MYL4: variants seen among roughly 807,000 people sequenced by gnomAD.
MYL4 encodes atrial myosin light chain 1.
A neutral mutation model predicts 21.6 loss-of-function variants in MYL4; 16 were observed. The ratio of observed to expected loss-of-function variants is 0.74; its 90% confidence interval spans 0.50 to 1.12. The LOEUF (loss-of-function observed/expected upper bound fraction) is 1.12, where lower values mean the gene tolerates loss of function less well. Among genes scored for constraint, MYL4 ranks in the 50% most tolerant of loss-of-function variants. MYL4 has a pLI of 0.00. For missense variants in MYL4, 249 were observed against 252.9 expected, an observed-to-expected ratio of 0.98 and a Z score of 0.11; for synonymous variants, 82 against 95.7, an observed-to-expected ratio of 0.86 and a Z score of 0.83.
upstream of MYL4, among the ~76,000 whole-genome samples, chr17:47,197,657 T>TCAGTA (rs1475686129): frequency 7.1e-6 from 1 of 140,506 alleles, no homozygotes; most frequent in Admixed American, 7.7e-5. Flanking sequence ...TGTCTCACTT[T>TCAGTA]CAGTACAGTA....
rs532384556 is a variant in MYL4, at chr17:47,218,051, A to C, written c.164-1853A>C. ...AGTGAAACTCCATCTCAAAAAAAAA[A>C]AAAAAACAAAAAACTAACTAAAAAG... On this transcript the variant is annotated intron_variant, in intron 2 of 6. Coordinates refer to ENST00000393450, the MANE Select transcript of MYL4 (RefSeq NM_002476.2). 3.1e-3 allele frequency among the ~76,000 whole-genome samples: 473 copies of C among 152,030 alleles called. 3 individuals carry two copies. Among genetic ancestry groups the C allele is most frequent in the South Asian group, 6.4e-3 (31 of 4,824 alleles).
intron 2 of MYL4, among the ~76,000 whole-genome samples, chr17:47,219,365 G>A (rs2064837232): frequency 6.6e-6 from 1 of 152,226 alleles, no homozygotes; most frequent in Non-Finnish European, 1.5e-5. Context: ...CCTGCACTCT[G>A]AGGCAGAGCC....
chr17:47,189,475 G>T, the MYL4 span: 5 of 482,934 alleles, frequency 1.0e-5, no homozygotes, highest in Non-Finnish European at 1.9e-5. Context: ...CCAAAGCGTA[G>T]GTTTCTCTTC....
At chr17:47,198,785 C>T (rs2064698728), upstream of MYL4, among the ~76,000 whole-genome samples, 1 of 151,988 alleles carries the variant, frequency 6.6e-6, no homozygotes, top group Non-Finnish European at 1.5e-5. Context: ...AGTTCGAGAA[C>T]ACCCTGGGCA....
At chr17:47,218,117 G>A (rs1183641204) in intron 2 of MYL4, among the ~76,000 whole-genome samples, 1 of 151,452 alleles carries the variant, frequency 6.6e-6, no homozygotes. Context: ...GAGGTTTTTA[G>A]AGGTTAAATA....
chr17:47,208,386 A>T (rs1226147341), upstream of MYL4, among the ~76,000 whole-genome samples: 1 of 152,208 alleles, frequency 6.6e-6, no homozygotes, highest in Non-Finnish European at 1.5e-5. Context: ...GTGAGCTGTG[A>T]TTGCACCACT....
At chr17:47,191,594 C>G in the MYL4 span, among the ~76,000 whole-genome samples, 1 of 152,134 alleles carries the variant, frequency 6.6e-6, no homozygotes, top group Admixed American at 6.5e-5. Flanking sequence ...TCTCAACGTC[C>G]CGAGTAGCTG....
chr17:47,203,583 T>A (rs1054240568), intron 1 of MYL4, among the ~76,000 whole-genome samples: 2 of 152,212 alleles, frequency 1.3e-5, no homozygotes, highest in African/African-American at 2.4e-5. Context: ...GTCATATTAG[T>A]AATATTTTCG....
chr17:47,198,181 A>G (rs978761118), upstream of MYL4, among the ~76,000 whole-genome samples: 15 of 152,230 alleles, frequency 9.9e-5, no homozygotes, highest in African/African-American at 3.6e-4. Context: ...CTAGGATCTT[A>G]GATGGTTGAA....
downstream of MYL4, among the ~76,000 whole-genome samples, chr17:47,226,722 A>C (rs1160406735): frequency 1.3e-5 from 2 of 152,266 alleles, no homozygotes; most frequent in Non-Finnish European, 2.9e-5. Context: ...GGCATGCTCC[A>C]CAGTCCTCAG....
chr17:47,193,049 CAT>C, the MYL4 span, among the ~76,000 whole-genome samples: 3 of 152,152 alleles, frequency 2.0e-5, no homozygotes, highest in African/African-American at 4.8e-5. Context: ...CCCACTGAAA[CAT>C]AGCCCAGAGT....
At chr17:47,210,394 G>C (rs1347878657) in intron 1 of MYL4, among the ~76,000 whole-genome samples, 1 of 152,186 alleles carries the variant, frequency 6.6e-6, no homozygotes, top group Non-Finnish European at 1.5e-5. Context: ...AGAGGGGTGG[G>C]CTGAAGAGGG....
upstream of MYL4, among the ~76,000 whole-genome samples, chr17:47,196,277 A>T (rs946417268): frequency 2.0e-5 from 3 of 152,344 alleles, no homozygotes; most frequent in Admixed American, 2.0e-4. Flanking sequence ...GAAAAGGCCA[A>T]CATCTAGGAA....
At chr17:47,196,321 T>A (rs923484427), upstream of MYL4, among the ~76,000 whole-genome samples, 1 of 152,204 alleles carries the variant, frequency 6.6e-6, no homozygotes, top group African/African-American at 2.4e-5. Flanking sequence ...TTGCCAGCAC[T>A]TTGATCATGG....
At chr17:47,207,962 C>T (rs1024960668), upstream of MYL4, among the ~76,000 whole-genome samples, 9 of 152,104 alleles carry the variant, frequency 5.9e-5, no homozygotes, top group Admixed American at 6.5e-5. Context: ...TGTCTCTCCC[C>T]GACAACTGGA....
upstream of MYL4, among the ~76,000 whole-genome samples, chr17:47,206,371 C>T (rs1202551334): frequency 6.6e-6 from 1 of 152,168 alleles, no homozygotes; most frequent in Non-Finnish European, 1.5e-5. Flanking sequence ...AAAGAACAAC[C>T]TTCCAGCTTT....
At chr17:47,223,724 G>A (rs1304884943), downstream of MYL4, 2 of 151,666 alleles carry the variant, frequency 1.3e-5, no homozygotes, top group East Asian at 3.9e-4. Flanking sequence ...TTAACGAATT[G>A]CATTGGTTTG....
At chr17:47,207,058 G>A (rs1258180439), upstream of MYL4, among the ~76,000 whole-genome samples, 2 of 152,184 alleles carry the variant, frequency 1.3e-5, no homozygotes, top group Non-Finnish European at 2.9e-5. Context: ...ATCAAGTTTG[G>A]TAGCCGGCAA....
At chr17:47,214,271 T>C (rs1349457932) in intron 2 of MYL4, among the ~76,000 whole-genome samples, 1 of 152,224 alleles carries the variant, frequency 6.6e-6, no homozygotes, top group African/African-American at 2.4e-5. Context: ...CTAAGATATT[T>C]GGAAGCCCTC....
Sources: gnomAD v4.1 joint callset for allele counts (sites outside exome capture counted in the v4.1 genomes callset) on GRCh38, gnomAD v4.1.1 for gene constraint, MANE v1.5 for transcripts, NCBI Gene and HGNC (gene_info 2026-07-23, HGNC 2026-07-21) for gene names.